The following C4orf51 variants were observed in gnomAD, a reference collection of about 807,000 sequenced individuals.
C4orf51 encodes the protein uncharacterized protein C4orf51.
Under a neutral mutation model 25.2 loss-of-function variants are expected in C4orf51, and 25 were observed. The observed-to-expected ratio is 0.99, with a 90% confidence interval of 0.72 to 1.39. The LOEUF is 1.39. C4orf51 is among the 40% of genes most tolerant of loss of function. The probability of loss-of-function intolerance (pLI) is 0.00; values close to 1 mark genes in which losing one functional copy is unlikely to be tolerated. For missense variants in C4orf51, 252 were observed against 239.6 expected, an observed-to-expected ratio of 1.05 and a Z score of -0.34; for synonymous variants, 100 against 84.5, an observed-to-expected ratio of 1.18 and a Z score of -1.01.
chr4:145,765,722 G>T lies in C4orf51; in HGVS notation n.167-5266G>T, dbSNP rs1483716851. The T allele has an allele frequency of 6.2e-7, 1 of 1,613,618 alleles. No individual in the cohort carries two copies. The highest frequency in any genetic ancestry group is 1.7e-5 in the Admixed American group (1 of 59,954). On this transcript the variant is annotated intron_variant and non_coding_transcript_variant, in intron 1 of 1. Transcript: ENST00000510096. The surrounding 1 kb of genome is among the most constrained non-coding windows in gnomAD (Gnocchi z 4.7). ...AAGAGGGGCTATTTGATTCGCTGGGGGTCTTCCTGTCTTCCCCTGAAAAAT... is the reference window on the plus strand; with the variant it reads ...AAGAGGGGCTATTTGATTCGCTGGGTGTCTTCCTGTCTTCCCCTGAAAAAT...
intron 1 of C4orf51, among the ~76,000 whole-genome samples, chr4:145,750,101 G>A (rs555805699): frequency 4.9e-4 from 75 of 152,132 alleles, no homozygotes; most frequent in Non-Finnish European, 1.0e-3. Flanking sequence ...AAAAGTTGTT[G>A]TAGTTATTAT....
intron 1 of C4orf51, among the ~76,000 whole-genome samples, chr4:145,740,240 C>CAAAAAAAAAAAAAAA (rs60310006): frequency 2.2e-4 from 23 of 104,804 alleles, no homozygotes; most frequent in African/African-American, 3.3e-4. Context: ...TCCCTTTCTG[C>CAAAAAAAAAAAAAAA]AAAAAAAAAA....
chr4:145,734,334 A>AT (rs1732678020), downstream of C4orf51, among the ~76,000 whole-genome samples: 1 of 141,482 alleles, frequency 7.1e-6, no homozygotes, highest in South Asian at 2.5e-4. Flanking sequence ...ATATCCATTG[A>AT]TTGAGGACAC....
At chr4:145,774,683 G>T, downstream of C4orf51, 1 of 1,610,480 alleles carries the variant, frequency 6.2e-7, no homozygotes, top group Non-Finnish European at 8.5e-7. Flanking sequence ...CTACATGAAA[G>T]GGTAAAAGAA....
At chr4:145,737,019 A>G (rs1732840008), downstream of C4orf51, among the ~76,000 whole-genome samples, 1 of 152,026 alleles carries the variant, frequency 6.6e-6, no homozygotes, top group Non-Finnish European at 1.5e-5. Flanking sequence ...GCATCAGCCG[A>G]TCTGAACTAT....
intron 2 of C4orf51, among the ~76,000 whole-genome samples, chr4:145,716,997 G>A (rs1578980174): frequency 1.3e-5 from 2 of 152,306 alleles, no homozygotes; most frequent in East Asian, 1.9e-4. Flanking sequence ...CTGTGTTTGG[G>A]AAATTAAACA....
chr4:145,744,030 G>A (rs754345018), intron 1 of C4orf51, among the ~76,000 whole-genome samples: 3 of 152,100 alleles, frequency 2.0e-5, no homozygotes, highest in East Asian at 1.9e-4. Context: ...GCTCAAACAC[G>A]CATTTCTTCT....
At chr4:145,702,225 A>G (rs1407452638) in intron 2 of C4orf51, among the ~76,000 whole-genome samples, 9 of 151,916 alleles carry the variant, frequency 5.9e-5, no homozygotes, top group Admixed American at 1.3e-4. Flanking sequence ...GTTAGTTCAG[A>G]ATCTGCGCCT....
At chr4:145,733,238 A>G (rs1579009257), downstream of C4orf51, among the ~76,000 whole-genome samples, 1 of 144,350 alleles carries the variant, frequency 6.9e-6, no homozygotes, top group Non-Finnish European at 1.5e-5. Flanking sequence ...TTCTTCCTCC[A>G]CGGCCCACCT....
At chr4:145,719,139 A>C (rs1443481336) in intron 2 of C4orf51, among the ~76,000 whole-genome samples, 1 of 152,180 alleles carries the variant, frequency 6.6e-6, no homozygotes, top group Admixed American at 6.5e-5. Flanking sequence ...ACAGGGCATC[A>C]CACAGAGCAG....
chr4:145,741,685 T>TTTTTC (rs1189551585), intron 1 of C4orf51, among the ~76,000 whole-genome samples: 3 of 152,142 alleles, frequency 2.0e-5, no homozygotes, highest in Non-Finnish European at 4.4e-5. Context: ...TAACTTTCTT[T>TTTTTC]TTTTCTTTTC....
intron 1 of C4orf51, chr4:145,764,923 G>C: frequency 6.2e-7 from 1 of 1,605,268 alleles, no homozygotes; most frequent in Non-Finnish European, 8.5e-7. Context: ...GAAGGGACGG[G>C]GTAGGGAAGG....
chr4:145,694,073 G>C (rs545268980), intron 1 of C4orf51, among the ~76,000 whole-genome samples: 21 of 137,796 alleles, frequency 1.5e-4, no homozygotes, highest in South Asian at 9.9e-4. Flanking sequence ...ACGGGGTCTC[G>C]GCCGGGCAGA....
intron 5 of C4orf51, among the ~76,000 whole-genome samples, chr4:145,730,995 C>T (rs907169000): frequency 1.4e-4 from 21 of 152,120 alleles, no homozygotes; most frequent in African/African-American, 5.1e-4. Context: ...ACAGGGAAAG[C>T]CAGTGCGGTG....
chr4:145,707,156 G>T (rs1023693688), intron 2 of C4orf51, among the ~76,000 whole-genome samples: 2 of 151,796 alleles, frequency 1.3e-5, no homozygotes, highest in Admixed American at 1.3e-4. Context: ...AGCCAGGATG[G>T]TCTCGATCCC....
At chr4:145,722,825 C>T (rs963488091) in intron 2 of C4orf51, among the ~76,000 whole-genome samples, 3 of 152,118 alleles carry the variant, frequency 2.0e-5, no homozygotes, top group Non-Finnish European at 4.4e-5. Context: ...TCAGTGGTAG[C>T]ATGAGATTCT....
intron 4 of C4orf51, among the ~76,000 whole-genome samples, chr4:145,729,519 T>C (rs894023338): frequency 2.6e-5 from 4 of 152,094 alleles, no homozygotes; most frequent in African/African-American, 7.2e-5. Context: ...GCCAGGATGG[T>C]CTCGATCTTC....
intron 1 of C4orf51, among the ~76,000 whole-genome samples, chr4:145,744,213 G>T (rs1350275285): frequency 6.6e-6 from 1 of 152,106 alleles, no homozygotes; most frequent in African/African-American, 2.4e-5. Flanking sequence ...GGGAGAAATG[G>T]TTGGTAAGGT....
At position 145,715,581 on chromosome 4, in the gene C4orf51, A is replaced by G. The variant is rs141025602; in HGVS notation, c.308-11330A>G. Reference sequence around the variant, plus strand: ...TATTCTTGGAGTTTTTACCCCACTAATGTGCTGGAATTTTTCCACTGGCCA... The same window carrying G: ...TATTCTTGGAGTTTTTACCCCACTAGTGTGCTGGAATTTTTCCACTGGCCA... On this transcript the variant is annotated intron_variant, in intron 2 of 5. Coordinates refer to ENST00000438731, the MANE Select transcript of C4orf51 (RefSeq NM_001080531.3). Among the ~76,000 whole-genome samples, 405 of 152,222 alleles carry G rather than the reference A, an allele frequency of 2.7e-3. 1 individual carries two copies. Among genetic ancestry groups the G allele is most frequent in the African/African-American group, 8.8e-3 (366 of 41,540 alleles).
Sources: gnomAD v4.1 joint callset for allele counts (sites outside exome capture counted in the v4.1 genomes callset) on GRCh38, gnomAD v4.1.1 for gene constraint, Gnocchi (gnomAD v3.1) non-coding constraint, MANE v1.5 for transcripts, NCBI Gene and HGNC (gene_info 2026-07-23, HGNC 2026-07-21) for gene names.